NLGN1: variants seen among roughly 807,000 people sequenced by gnomAD.
NLGN1 encodes the protein neuroligin 1, also known as neuroligin-1.
A neutral mutation model predicts 65.5 loss-of-function variants in NLGN1; 12 were observed. The observed-to-expected ratio is 0.18, with a 90% CI of 0.12 to 0.30. The LOEUF (loss-of-function observed/expected upper bound fraction) is 0.30, where lower values mean the gene tolerates loss of function less well. Among genes scored for constraint, NLGN1 ranks in the 10% least tolerant of loss-of-function variants. The pLI is 1.00. For synonymous variants in NLGN1, 350 were observed against 359.5 expected, an observed-to-expected ratio of 0.97 and a Z score of 0.30; for missense variants, 750 against 1,007.1, an observed-to-expected ratio of 0.74 and a Z score of 3.46.
intron 3 of NLGN1, among the ~76,000 whole-genome samples, chr3:173,750,852 C>T (rs183063358): frequency 2.6e-4 from 39 of 151,940 alleles, no homozygotes; most frequent in African/African-American, 7.5e-4. Flanking sequence ...AATTCAAAGC[C>T]GAAAAAGTTC....
intron 3 of NLGN1, among the ~76,000 whole-genome samples, chr3:173,610,619 GA>G (rs1287755724): frequency 6.6e-6 from 1 of 151,958 alleles, no homozygotes; most frequent in African/African-American, 2.4e-5. Flanking sequence ...GACAGCAATG[GA>G]AACTGAGAAA....
At chr3:173,677,747 G>A (rs1257042931) in intron 3 of NLGN1, among the ~76,000 whole-genome samples, 3 of 152,082 alleles carry the variant, frequency 2.0e-5, no homozygotes, top group Non-Finnish European at 2.9e-5. Context: ...TAACCAACTA[G>A]TCACTGTGGC....
chr3:173,602,826 A>G (rs1577481759), intron 2 of NLGN1, among the ~76,000 whole-genome samples: 2 of 152,034 alleles, frequency 1.3e-5, no homozygotes, highest in Admixed American at 1.3e-4. Flanking sequence ...CATTATATAC[A>G]CTTTACAGAA....
At chr3:173,637,512 CTTTTAA>C (rs1007950980) in intron 3 of NLGN1, among the ~76,000 whole-genome samples, 4 of 152,054 alleles carry the variant, frequency 2.6e-5, no homozygotes, top group African/African-American at 9.7e-5. Flanking sequence ...TGAAAATAAT[CTTTTAA>C]TAAAGTAGTC....
chr3:173,875,236 A>C (rs1223297310), intron 4 of NLGN1, among the ~76,000 whole-genome samples: 1 of 152,152 alleles, frequency 6.6e-6, no homozygotes, highest in Non-Finnish European at 1.5e-5. Context: ...AACTGAAGCC[A>C]TGGCAGTTAT....
At chr3:174,129,670 A>G (rs1414341093) in intron 4 of NLGN1, among the ~76,000 whole-genome samples, 1 of 152,192 alleles carries the variant, frequency 6.6e-6, no homozygotes, top group Non-Finnish European at 1.5e-5. Flanking sequence ...GTATAGCTTT[A>G]TCTTTAAGCC....
At chr3:173,721,573 G>A (rs1037366022) in intron 3 of NLGN1, among the ~76,000 whole-genome samples, 2 of 152,068 alleles carry the variant, frequency 1.3e-5, no homozygotes, top group African/African-American at 4.8e-5. Context: ...TGCTTACTCT[G>A]TACTAGGTAT....
chr3:173,747,053 TATATATAC>T (rs1256618442), intron 3 of NLGN1, among the ~76,000 whole-genome samples: 8 of 69,154 alleles, frequency 1.2e-4, no homozygotes, highest in Non-Finnish European at 2.0e-4. Context: ...AAGAAAAAAT[TATATATAC>T]ACACACACAC....
At chr3:174,006,886 G>A (rs1347779755) in intron 4 of NLGN1, among the ~76,000 whole-genome samples, 1 of 151,978 alleles carries the variant, frequency 6.6e-6, no homozygotes, top group African/African-American at 2.4e-5. Flanking sequence ...CTGGCTACAT[G>A]GTGAAACCTC....
chr3:173,829,560 G>A (rs1296441136), intron 4 of NLGN1, among the ~76,000 whole-genome samples: 1 of 145,896 alleles, frequency 6.9e-6, no homozygotes, highest in East Asian at 2.1e-4. Flanking sequence ...GTGCGTGTGT[G>A]TGTGTGTGTG....
chr3:173,451,140 G>A (rs1721432420), intron 2 of NLGN1, among the ~76,000 whole-genome samples: 1 of 152,122 alleles, frequency 6.6e-6, no homozygotes, highest in Non-Finnish European at 1.5e-5. Context: ...GAGGCGCTCT[G>A]ATTTTTAGTT....
chr3:173,490,933 C>T (rs370812422), intron 2 of NLGN1, among the ~76,000 whole-genome samples: 20 of 151,920 alleles, frequency 1.3e-4, no homozygotes, highest in Non-Finnish European at 1.5e-4. Context: ...GTGATTTTTG[C>T]ACATTGATTT....
At chr3:174,075,750 A>G (rs1362753271) in intron 4 of NLGN1, among the ~76,000 whole-genome samples, 1 of 152,228 alleles carries the variant, frequency 6.6e-6, no homozygotes, top group Non-Finnish European at 1.5e-5. Context: ...AAAAGGACAT[A>G]AAAATAATGC....
At chr3:173,760,255 A>G (rs924440003) in intron 3 of NLGN1, among the ~76,000 whole-genome samples, 1 of 152,000 alleles carries the variant, frequency 6.6e-6, no homozygotes, top group African/African-American at 2.4e-5. Flanking sequence ...TCACTGTATA[A>G]TCTCTGAAAG....
chr3:174,035,824 A>G (rs558009656), intron 4 of NLGN1, among the ~76,000 whole-genome samples: 1 of 152,128 alleles, frequency 6.6e-6, no homozygotes, highest in Non-Finnish European at 1.5e-5. Context: ...GAAGAAATCC[A>G]GGTGCTGGCA....
chr3:173,955,593 A>G (rs1281026670), intron 4 of NLGN1, among the ~76,000 whole-genome samples: 2 of 152,178 alleles, frequency 1.3e-5, no homozygotes, highest in Non-Finnish European at 2.9e-5. Flanking sequence ...AATACTATAG[A>G]TAGGTGTGAC....
intron 2 of NLGN1, among the ~76,000 whole-genome samples, chr3:173,464,693 C>T (rs1296925864): frequency 6.6e-6 from 1 of 152,066 alleles, no homozygotes; most frequent in African/African-American, 2.4e-5. Flanking sequence ...CCTTGGCCTC[C>T]CAAAGTGCTG....
chr3:173,777,031 A>G (rs1560347007), intron 3 of NLGN1, among the ~76,000 whole-genome samples: 1 of 151,912 alleles, frequency 6.6e-6, no homozygotes, highest in African/African-American at 2.4e-5. Flanking sequence ...TTAAAATCTC[A>G]AGCTCTATAA....
intron 4 of NLGN1, among the ~76,000 whole-genome samples, chr3:173,978,093 T>C (rs1049868001): frequency 2.6e-5 from 4 of 152,006 alleles, no homozygotes; most frequent in African/African-American, 9.7e-5. Flanking sequence ...AAGGAAAAGA[T>C]AATAGGTCAT....
Sources: gnomAD v4.1 joint callset for allele counts (sites outside exome capture counted in the v4.1 genomes callset) on GRCh38, gnomAD v4.1.1 for gene constraint, MANE v1.5 for transcripts, NCBI Gene and HGNC (gene_info 2026-07-23, HGNC 2026-07-21) for gene names.